The following LATS2 variants were observed in gnomAD, a reference collection of about 807,000 sequenced individuals.
The protein encoded by LATS2 is serine/threonine-protein kinase LATS2.
LATS2 carries 24 observed loss-of-function variants against 76.0 expected under a neutral mutation model. The observed-to-expected ratio is 0.32, with a 90% CI of 0.23 to 0.44. LATS2 has a LOEUF of 0.44. LATS2 is among the 20% of genes least tolerant of loss of function. LATS2 has a pLI of 1.00. For synonymous variants in LATS2, 692 were observed against 635.4 expected (o/e 1.09, Z -1.34); for missense variants, 1,286 against 1,481.2 (o/e 0.87, Z 2.16).
intron 1 of LATS2, among the ~76,000 whole-genome samples, chr13:21,053,467 C>A (rs571238692): frequency 1.3e-5 from 2 of 151,966 alleles, no homozygotes. Flanking sequence ...TTTGGTTTAC[C>A]CCCATCTACT....
At chr13:20,998,694 C>G (rs1379971171) in intron 2 of LATS2, among the ~76,000 whole-genome samples, 2 of 152,228 alleles carry the variant, frequency 1.3e-5, no homozygotes, top group South Asian at 4.1e-4. Flanking sequence ...CTGAGCGCGG[C>G]GCTCCCGGCG....
At position 21,045,986 on chromosome 13, in the gene LATS2, T is replaced by C. The variant is rs903397236; in HGVS notation, c.41A>G (p.Asn14Ser). Residue 14 changes from asparagine to serine, a missense_variant, in exon 2 of 8, where the codon AAT becomes AGT. By Grantham distance (46) the Asn-to-Ser change is conservative (BLOSUM62 1). Around this residue, in one of 5 missense-constraint regions of LATS2, gnomAD observed 101 missense variants for 141.4 expected, o/e 0.71. Coordinates refer to ENST00000382592, the MANE Select transcript of LATS2 (RefSeq NM_014572.3). ...KTFPATTYSG[N>S]SRQRLQEIRE... ...AATCTCTTGCAGTCGCTGCCGGCTA[T>C]TTCCAGAATAAGTCGTGGCAGGAAA... 1 of 1,614,124 alleles carries C rather than the reference T, an allele frequency of 6.2e-7. No individual in the cohort carries two copies. Among genetic ancestry groups the C allele is most frequent in the Non-Finnish European group, 8.5e-7 (1 of 1,179,956 alleles).
At chr13:21,045,101 T>G (rs1873018765) in intron 2 of LATS2, among the ~76,000 whole-genome samples, 1 of 74,740 alleles carries the variant, frequency 1.3e-5, no homozygotes, top group Non-Finnish European at 4.5e-5. Context: ...AACTGAAAAG[T>G]GAGACTGTGT....
chr13:20,991,496 G>A lies in LATS2; in HGVS notation c.343-92C>T, dbSNP rs1870504976. On this transcript the variant is annotated intron_variant, in intron 2 of 7. Coordinates refer to ENST00000382592, the MANE Select transcript of LATS2 (RefSeq NM_014572.3). The surrounding 1 kb of genome is among the most constrained non-coding windows in gnomAD (Gnocchi z 4.9). ...CCCCACTCCGTGCTGGACTGTGCTG[G>A]GACACTTCGCCTCTGTACTGCTGAG... 1.4e-6 allele frequency: 2 copies of A among 1,459,212 alleles called. No homozygotes were observed. The highest frequency in any genetic ancestry group is 1.9e-6 in the Non-Finnish European group (2 of 1,056,958). The allele number at this position is 1,459,212 out of a possible 1,614,324, so 90.4% of individuals were successfully genotyped here.
chr13:21,002,351 A>C (rs961367465), intron 2 of LATS2, among the ~76,000 whole-genome samples: 31 of 151,678 alleles, frequency 2.0e-4, no homozygotes, highest in African/African-American at 7.3e-4. Context: ...ATCTTTTAAA[A>C]AATTAACTAA....
At chr13:21,026,926 A>G (rs1407181030) in intron 2 of LATS2, among the ~76,000 whole-genome samples, 1 of 152,180 alleles carries the variant, frequency 6.6e-6, no homozygotes, top group East Asian at 1.9e-4. Context: ...TCTAATGAGT[A>G]TATAGTAGTA....
intron 2 of LATS2, among the ~76,000 whole-genome samples, chr13:20,993,035 C>CAAGA (rs1870576841): frequency 1.1e-5 from 1 of 88,974 alleles, no homozygotes; most frequent in Admixed American, 1.3e-4. Context: ...ACTCCATCTC[C>CAAGA]AAAAAAAAAA....
intron 1 of LATS2, among the ~76,000 whole-genome samples, chr13:21,051,445 G>A (rs930368938): frequency 6.6e-6 from 1 of 152,222 alleles, no homozygotes; most frequent in African/African-American, 2.4e-5. Flanking sequence ...ATAGAGAAAA[G>A]TGGGTGCACT....
chr13:20,988,989 G>T lies in LATS2; in HGVS notation c.791C>A (p.Pro264His). 1.3e-6 allele frequency: 2 copies of T among 1,544,450 alleles called. No individual in the cohort carries two copies. The highest frequency in any genetic ancestry group is 1.2e-5 in the South Asian group (1 of 85,286). Reference sequence around the variant, plus strand: ...GCTGCGCTGCACTCCGTAGCCCAGGGGTTCCCCAGGCACCAGCAGGTGCGG... The same window carrying T: ...GCTGCGCTGCACTCCGTAGCCCAGGTGTTCCCCAGGCACCAGCAGGTGCGG... The part of the protein sequence containing the change: ...GRPHLLVPGE[P>H]LGYGVQRSPS... Residue 264 changes from proline to histidine, a missense_variant, in exon 4 of 8, where the codon CCC becomes CAC. Pro to His is a moderately conservative substitution (Grantham distance 77, BLOSUM62 -2). Transcript: ENST00000382592.
chr13:21,012,856 T>C (rs1377239274), intron 2 of LATS2, among the ~76,000 whole-genome samples: 1 of 151,616 alleles, frequency 6.6e-6, no homozygotes, highest in Non-Finnish European at 1.5e-5. Context: ...GAGGCTAAAA[T>C]AGATTAGCTT....
Position 20,983,491 on chromosome 13 carries a change from C to T in LATS2, c.2215G>A (p.Asp739Asn). The change falls in exon 5 of 8, where the codon GAC becomes AAC. Residue 739 changes from aspartate to asparagine, a missense_variant. Asp to Asn is a conservative substitution (Grantham distance 23). Around this residue, in one of 5 missense-constraint regions of LATS2, gnomAD observed 247 missense variants for 385.4 expected, o/e 0.64. Transcript: ENST00000382592. ...TAGTCCATCACAAAGTACAGGCTGT[C>T]TTTGTCTTGGAAGGAGTAGTAGAGT... is the stretch of plus-strand genomic sequence containing the variant. Reference protein sequence around the residue: ...VKLYYSFQDKDSLYFVMDYIP... With the variant: ...VKLYYSFQDKNSLYFVMDYIP... 4 of 1,614,110 alleles carry T rather than the reference C, an allele frequency of 2.5e-6. No homozygotes were observed. The highest frequency in any genetic ancestry group is 3.4e-6 in the Non-Finnish European group (4 of 1,180,044).
chr13:20,979,643 C>A, intron 7 of LATS2, 48 bp downstream of exon 7: 1 of 1,035,024 alleles, frequency 9.7e-7, no homozygotes, highest in Non-Finnish European at 1.5e-6. Context: ...GGTACATGAG[C>A]AAATCAGATG....
intron 2 of LATS2, among the ~76,000 whole-genome samples, chr13:21,024,785 ACT>A (rs1872240821): frequency 6.6e-6 from 1 of 152,012 alleles, no homozygotes. Context: ...TGTTAGAAAT[ACT>A]GACATTTTAT....
chr13:21,010,741 C>T (rs372482520), intron 2 of LATS2, among the ~76,000 whole-genome samples: 1 of 152,176 alleles, frequency 6.6e-6, no homozygotes, highest in South Asian at 2.1e-4. Flanking sequence ...TCCTGGAAAA[C>T]CCATACCTCT....
At chr13:21,045,630 C>G in intron 2 of LATS2, 55 bp downstream of exon 2, 2 of 1,400,156 alleles carry the variant, frequency 1.4e-6, no homozygotes, top group South Asian at 1.3e-5. Context: ...ATTCTGACTG[C>G]CCCAGCTGTC....
At chr13:21,010,500 C>T (rs917454470) in intron 2 of LATS2, among the ~76,000 whole-genome samples, 1 of 152,042 alleles carries the variant, frequency 6.6e-6, no homozygotes, top group Non-Finnish European at 1.5e-5. Context: ...GCTGAATATT[C>T]AAGGAAGTTT....
chr13:21,054,402 CACCTCAAAAAGAAAAAAAATT>C, intron 1 of LATS2, among the ~76,000 whole-genome samples: 1 of 152,184 alleles, frequency 6.6e-6, no homozygotes, highest in South Asian at 2.1e-4. Flanking sequence ...AGCAAGTCTC[CACCTCAAAAAGAAAAAAAATT>C]TAAATAAATA....
intron 2 of LATS2, among the ~76,000 whole-genome samples, chr13:21,018,738 C>T (rs1205722025): frequency 6.6e-6 from 1 of 152,126 alleles, no homozygotes; most frequent in South Asian, 2.1e-4. Context: ...ACTGCAGCCT[C>T]CACCTCCTGG....
chr13:21,019,903 G>A (rs1286247602), intron 2 of LATS2, among the ~76,000 whole-genome samples: 2 of 151,150 alleles, frequency 1.3e-5, no homozygotes, highest in Non-Finnish European at 2.9e-5. Flanking sequence ...GAACCCAGGA[G>A]GTGGAGTTCG....
Sources: gnomAD v4.1 joint callset for allele counts (sites outside exome capture counted in the v4.1 genomes callset) on GRCh38, gnomAD v4.1.1 for gene constraint, gnomAD v4.1.1 regional missense constraint, Gnocchi (gnomAD v3.1) non-coding constraint, MANE v1.5 for transcripts, NCBI Gene and HGNC (gene_info 2026-07-23, HGNC 2026-07-21) for gene names.